The following WLS variants were observed in gnomAD, a reference collection of about 807,000 sequenced individuals.
WLS encodes protein wntless homolog.
A neutral mutation model predicts 62.8 loss-of-function variants in WLS; 23 were observed. The observed-to-expected ratio is 0.37, with a 90% confidence interval of 0.26 to 0.52. WLS has a LOEUF of 0.52. Among genes scored for constraint, WLS ranks in the 20% least tolerant of loss-of-function variants. The pLI is 0.92. For synonymous variants in WLS, 246 were observed against 244.1 expected (o/e 1.01, Z -0.07); for missense variants, 615 against 697.3 (o/e 0.88, Z 1.33).
In WLS at chr1:68,131,258, T is replaced by C. The variant is rs375591676; in HGVS notation, c.1517-4923A>G. Among the ~76,000 whole-genome samples the C allele has an allele frequency of 3.0e-4, 46 of 151,834 alleles. No homozygotes were observed. In the East Asian group the frequency reaches 6.6e-3, roughly 22 times the overall value. Reference sequence around the variant, plus strand: ...TAAATACCCAGGACAGTATGTGGTATATAGTAAGTGCTCAAAACACCCATG... The same window carrying C: ...TAAATACCCAGGACAGTATGTGGTACATAGTAAGTGCTCAAAACACCCATG... On this transcript the variant is annotated intron_variant, in intron 11 of 11. Transcript: ENST00000262348.
intron 2 of WLS, among the ~76,000 whole-genome samples, chr1:68,189,907 G>A (rs1408329198): frequency 6.6e-6 from 1 of 152,166 alleles, no homozygotes; most frequent in African/African-American, 2.4e-5. Flanking sequence ...TACTCAGGAG[G>A]CTGAGGCAGG....
intron 2 of WLS, chr1:68,162,651 C>A: frequency 8.0e-7 from 1 of 1,244,322 alleles, no homozygotes; most frequent in Non-Finnish European, 1.2e-6. Flanking sequence ...ATGTGTTCCT[C>A]TGGTACAGAT....
chr1:68,122,968 A>G (rs953992965), downstream of WLS, among the ~76,000 whole-genome samples: 6 of 152,128 alleles, frequency 3.9e-5, no homozygotes, highest in African/African-American at 1.2e-4. Context: ...TTCGATGCTA[A>G]CTCATCAACT....
intron 11 of WLS, among the ~76,000 whole-genome samples, chr1:68,114,631 A>T (rs538995466): frequency 1.8e-4 from 27 of 152,332 alleles, no homozygotes; most frequent in African/African-American, 6.5e-4. Flanking sequence ...GGTGACAGGC[A>T]TCTGACTGGT....
intron 11 of WLS, among the ~76,000 whole-genome samples, chr1:68,137,299 G>A (rs1646624749): frequency 6.6e-6 from 1 of 152,058 alleles, no homozygotes; most frequent in Admixed American, 6.5e-5. Flanking sequence ...CAGGAGAATA[G>A]CTATTGGTTT....
intron 1 of WLS, among the ~76,000 whole-genome samples, chr1:68,220,814 A>C (rs1649909933): frequency 6.6e-6 from 1 of 152,238 alleles, no homozygotes; most frequent in African/African-American, 2.4e-5. Flanking sequence ...AGTTCTGTCA[A>C]GTGGGAAGAG....
intron 11 of WLS, among the ~76,000 whole-genome samples, chr1:68,111,681 G>A (rs1260548933): frequency 6.6e-6 from 1 of 152,140 alleles, no homozygotes; most frequent in Non-Finnish European, 1.5e-5. Flanking sequence ...CATGATGTTT[G>A]CTGGTGGGTC....
At chr1:68,145,829 G>C (rs748816599) in intron 9 of WLS, 40 bp downstream of exon 9, 1 of 1,612,170 alleles carries the variant, frequency 6.2e-7, no homozygotes, top group Non-Finnish European at 8.5e-7. Context: ...GAAAGATCAA[G>C]CAAGCACCAG....
intron 2 of WLS, chr1:68,161,694 C>G: frequency 8.1e-7 from 1 of 1,239,024 alleles, no homozygotes; most frequent in Non-Finnish European, 1.2e-6. Flanking sequence ...CTTAGTTCAT[C>G]ATTTTTCACT....
chr1:68,215,756 T>C (rs1649701159), intron 1 of WLS, among the ~76,000 whole-genome samples: 1 of 152,224 alleles, frequency 6.6e-6, no homozygotes, highest in Non-Finnish European at 1.5e-5. Flanking sequence ...AAATAACCTT[T>C]CAATGCATGT....
chr1:68,164,705 T>A (rs894957896), intron 2 of WLS, among the ~76,000 whole-genome samples: 3 of 152,034 alleles, frequency 2.0e-5, no homozygotes, highest in African/African-American at 7.2e-5. Context: ...GTACCAGGGG[T>A]TGCAGAAGGC....
At position 68,232,186 on chromosome 1, in the gene WLS, G is replaced by C. The variant is rs375440866; in HGVS notation, c.106+8C>G. 4.3e-6 allele frequency: 7 copies of C among 1,613,898 alleles called. No homozygotes were observed. The highest frequency in any genetic ancestry group is 5.9e-6 in the Non-Finnish European group (7 of 1,179,992). The stretch of plus-strand genomic sequence containing the variant: ...AAGGGGGAAAAGTTTGCAGCTCTCC[G>C]CACTTACCAATCAAGCCTCCCACCA... On this transcript the variant is annotated splice_region_variant and intron_variant, in intron 1 of 11. Transcript: ENST00000262348.
At chr1:68,203,763 T>G (rs1345010815) in intron 1 of WLS, among the ~76,000 whole-genome samples, 1 of 152,094 alleles carries the variant, frequency 6.6e-6, no homozygotes, top group African/African-American at 2.4e-5. Flanking sequence ...TTAGAGAAAA[T>G]CTGACTCCAG....
chr1:68,163,752 A>G (rs545175931), intron 2 of WLS, among the ~76,000 whole-genome samples: 1 of 152,286 alleles, frequency 6.6e-6, no homozygotes, highest in African/African-American at 2.4e-5. Context: ...AAGAAGTCTC[A>G]GTATCCAGGC....
At chr1:68,105,488 G>T (rs1348746996) in intron 11 of WLS, among the ~76,000 whole-genome samples, 1 of 152,044 alleles carries the variant, frequency 6.6e-6, no homozygotes, top group Non-Finnish European at 1.5e-5. Context: ...AAAGAATCCA[G>T]AAAGAAAGAA....
chr1:68,229,146 C>T (rs1650299885), intron 1 of WLS, among the ~76,000 whole-genome samples: 1 of 152,120 alleles, frequency 6.6e-6, no homozygotes, highest in Non-Finnish European at 1.5e-5. Context: ...GAGCCTGAAG[C>T]CTGCTAGTTA....
chr1:68,170,719 T>C (rs1184045702), intron 2 of WLS, among the ~76,000 whole-genome samples: 1 of 151,310 alleles, frequency 6.6e-6, no homozygotes, highest in African/African-American at 2.4e-5. Context: ...CACCCCCCCC[T>C]TGCTCCCACA....
intron 1 of WLS, among the ~76,000 whole-genome samples, chr1:68,210,994 C>T (rs1039284450): frequency 6.6e-6 from 1 of 152,048 alleles, no homozygotes; most frequent in Admixed American, 6.5e-5. Context: ...TGGAATGTAC[C>T]GCCACCTCCC....
At chr1:68,196,782 C>A (rs915791607) in intron 1 of WLS, among the ~76,000 whole-genome samples, 1 of 152,054 alleles carries the variant, frequency 6.6e-6, no homozygotes, top group Non-Finnish European at 1.5e-5. Context: ...TTCTTTAAAA[C>A]TCAAAACTGT....
Sources: allele counts gnomAD v4.1 joint callset (sites outside exome capture counted in the v4.1 genomes callset), GRCh38; gene constraint gnomAD v4.1.1; transcripts MANE v1.5; gene names NCBI Gene and HGNC (gene_info 2026-07-23, HGNC 2026-07-21).